Variants in TRPM7 observed in about 807,000 individuals in gnomAD.
TRPM7 encodes the protein transient receptor potential cation channel subfamily M member 7.
A neutral mutation model predicts 229.7 loss-of-function variants in TRPM7; 134 were observed. The ratio of observed to expected loss-of-function variants is 0.58; its 90% CI spans 0.51 to 0.67. TRPM7 has a LOEUF of 0.67. Ranked by LOEUF, TRPM7 falls within the 30% of genes least tolerant of loss-of-function variation. TRPM7 has a pLI of 0.00. For synonymous variants in TRPM7, 699 were observed against 715.2 expected, an observed-to-expected ratio of 0.98 and a Z score of 0.36; for missense variants, 1,901 against 2,210.0, an observed-to-expected ratio of 0.86 and a Z score of 2.80.
intron 3 of TRPM7, among the ~76,000 whole-genome samples, chr15:50,651,193 G>C (rs1020005084): frequency 2.0e-5 from 3 of 151,768 alleles, no homozygotes; most frequent in African/African-American, 7.3e-5. Context: ...TCTCAAAAAA[G>C]TAAATAAATA....
intron 38 of TRPM7, among the ~76,000 whole-genome samples, chr15:50,568,602 T>C (rs2141463131): frequency 6.6e-6 from 1 of 152,178 alleles, no homozygotes; most frequent in East Asian, 1.9e-4. Context: ...ATGTAGGTAT[T>C]CTCTGGAGCC....
chr15:50,629,541 T>C (rs2140637009), intron 10 of TRPM7, among the ~76,000 whole-genome samples: 1 of 135,192 alleles, frequency 7.4e-6, no homozygotes, highest in Non-Finnish European at 1.6e-5. Context: ...CCAAAATTTA[T>C]TACTGTAACA....
Position 50,574,455 on chromosome 15 carries a change from A to T in TRPM7, c.5127T>A (p.Tyr1709Ter). The change falls in exon 36 of 39, where the codon TAT becomes TAA. Residue 1709 changes from tyrosine (Y) to a stop codon, truncating the protein, a stop_gained. Coordinates refer to ENST00000646667, the MANE Select transcript of TRPM7 (RefSeq NM_017672.6). LOFTEE classifies it high-confidence loss of function. ...SPRFLEVFLL[Y>*]CHSAGQWFAV... Reference sequence around the variant, plus strand: ...CAAACCACTGTCCTGCTGAATGGCAATACAGCAGGAAAACTTCAAGGAACC... The same window carrying T: ...CAAACCACTGTCCTGCTGAATGGCATTACAGCAGGAAAACTTCAAGGAACC... The T allele has an allele frequency of 6.2e-7, 1 of 1,613,454 alleles. No individual in the cohort carries two copies. Among genetic ancestry groups the T allele is most frequent in the Non-Finnish European group, 8.5e-7 (1 of 1,179,852 alleles).
intron 1 of TRPM7, among the ~76,000 whole-genome samples, chr15:50,666,577 G>A (rs1008824888): frequency 7.2e-5 from 11 of 152,160 alleles, no homozygotes; most frequent in African/African-American, 2.7e-4. Context: ...GCTGAGGCGG[G>A]CAGATCACCT....
At chr15:50,605,282 G>A (rs1486848469) in intron 20 of TRPM7, 138 bp from the exon 21 acceptor site, 17 of 785,218 alleles carry the variant, frequency 2.2e-5, no homozygotes, top group South Asian at 8.6e-5. Flanking sequence ...ACAGAGTCTC[G>A]CTCTATTGCC....
At chr15:50,685,829 TC>T (rs2062347071) in intron 1 of TRPM7, among the ~76,000 whole-genome samples, 1 of 152,192 alleles carries the variant, frequency 6.6e-6, no homozygotes, top group Non-Finnish European at 1.5e-5. Flanking sequence ...TCAACTGTTC[TC>T]TGGGGCAAGG....
At chr15:50,646,563 C>A (rs1332710040) in intron 4 of TRPM7, among the ~76,000 whole-genome samples, 1 of 152,176 alleles carries the variant, frequency 6.6e-6, no homozygotes, top group African/African-American at 2.4e-5. Context: ...AGATTACAGG[C>A]ATGAGCTACC....
rs148932500 is a variant in TRPM7 at position 50,657,207 on chromosome 15, C to A, written c.122+574G>T. On this transcript the variant is annotated intron_variant, in intron 3 of 38. Coordinates refer to ENST00000646667, the MANE Select transcript of TRPM7 (RefSeq NM_017672.6). ...GGCATGGTGGCGCATGCCTGTAATCCCAGCTACTCGGGAGGCTGAGGCAGG... is the reference window on the plus strand; with the variant it reads ...GGCATGGTGGCGCATGCCTGTAATCACAGCTACTCGGGAGGCTGAGGCAGG... Among the ~76,000 whole-genome samples, 1,216 of 152,172 alleles carry A rather than the reference C, an allele frequency of 8.0e-3. 8 individuals are homozygous for A. The highest frequency in any genetic ancestry group is 0.012 in the Non-Finnish European group (835 of 67,998).
At chr15:50,670,062 G>A (rs2140950763) in intron 1 of TRPM7, among the ~76,000 whole-genome samples, 1 of 152,252 alleles carries the variant, frequency 6.6e-6, no homozygotes, top group East Asian at 1.9e-4. Flanking sequence ...AGAACTCTGA[G>A]TTATGGATGG....
intron 4 of TRPM7, among the ~76,000 whole-genome samples, chr15:50,648,075 C>T (rs2061319575): frequency 6.6e-6 from 1 of 152,094 alleles, no homozygotes; most frequent in Non-Finnish European, 1.5e-5. Flanking sequence ...TGTGCCTGGC[C>T]TATATTAGAT....
In TRPM7 at chr15:50,611,331, G is replaced by C. The variant is rs1261744265; in HGVS notation, c.2052-10C>G. 1 of 1,605,726 alleles carries C rather than the reference G, an allele frequency of 6.2e-7. No homozygotes were observed. The highest frequency in any genetic ancestry group is 1.3e-5 in the African/African-American group (1 of 74,572). ...CAACTGACCAAAATCACTATAAAAA[G>C]ATAAAAGCCAAAATATACTCAGATT... On this transcript the variant is annotated splice_polypyrimidine_tract_variant and intron_variant, in intron 16 of 38. Transcript: ENST00000646667.
chr15:50,650,809 T>C (rs539967012), intron 3 of TRPM7, among the ~76,000 whole-genome samples: 1 of 152,330 alleles, frequency 6.6e-6, no homozygotes, highest in South Asian at 2.1e-4. Context: ...TTGCATGCTA[T>C]AGCAAGTCTA....
chr15:50,569,814 T>TG, intron 38 of TRPM7, 73 bp downstream of exon 38: 2 of 890,032 alleles, frequency 2.2e-6, no homozygotes. Context: ...TTTGTACCTC[T>TG]GGCCTTATGA....
intron 26 of TRPM7, among the ~76,000 whole-genome samples, chr15:50,590,071 T>G (rs934491987): frequency 6.6e-6 from 1 of 152,268 alleles, no homozygotes; most frequent in East Asian, 1.9e-4. Flanking sequence ...TTAGCCAGGC[T>G]GGTCTTGAAC....
chr15:50,593,358 A>C (rs1048347123), intron 25 of TRPM7, among the ~76,000 whole-genome samples: 2 of 152,064 alleles, frequency 1.3e-5, no homozygotes, highest in African/African-American at 4.8e-5. Flanking sequence ...TAGTGAGGAC[A>C]GTTTTACTTT....
At chr15:50,605,277 G>A in intron 20 of TRPM7, 133 bp from the exon 21 acceptor site, 1 of 837,962 alleles carries the variant, frequency 1.2e-6, no homozygotes, top group Non-Finnish European at 1.8e-6. Context: ...TTGAGACAGA[G>A]TCTCGCTCTA....
intron 3 of TRPM7, among the ~76,000 whole-genome samples, chr15:50,654,412 A>T (rs2061501959): frequency 6.6e-6 from 1 of 151,306 alleles, no homozygotes; most frequent in Admixed American, 6.6e-5. Flanking sequence ...GCAGCACTGC[A>T]CTCCAGCCTG....
intron 5 of TRPM7, among the ~76,000 whole-genome samples, chr15:50,642,652 T>A (rs2061137980): frequency 6.6e-6 from 1 of 152,182 alleles, no homozygotes; most frequent in Admixed American, 6.5e-5. Context: ...GATTATAAAT[T>A]TCCTGAGGCT....
At position 50,575,711 on chromosome 15, in the gene TRPM7, T is replaced by C; in HGVS notation, c.4735+13A>G. 1 of 1,604,152 alleles carries C rather than the reference T, an allele frequency of 6.2e-7. No individual in the cohort carries two copies. Among genetic ancestry groups the C allele is most frequent in the Non-Finnish European group, 8.5e-7 (1 of 1,175,882 alleles). On this transcript the variant is annotated intron_variant, in intron 33 of 38. Transcript: ENST00000646667. Reference sequence around the variant, plus strand: ...AATTTTCACTTATTTATTTCTTTAATTTTTGGATTTACCTCTTGGAGGCAC... The same window carrying C: ...AATTTTCACTTATTTATTTCTTTAACTTTTGGATTTACCTCTTGGAGGCAC...
Sources: gnomAD v4.1 joint callset for allele counts (sites outside exome capture counted in the v4.1 genomes callset) on GRCh38, gnomAD v4.1.1 for gene constraint, MANE v1.5 for transcripts, NCBI Gene and HGNC (gene_info 2026-07-23, HGNC 2026-07-21) for gene names.